Variants in PTCHD4 observed in about 807,000 individuals in gnomAD.
PTCHD4 encodes the protein patched domain containing 4, also known as patched domain-containing protein 4.
A neutral mutation model predicts 58.1 loss-of-function variants in PTCHD4; 33 were observed. The observed-to-expected ratio is 0.57, with a 90% CI of 0.43 to 0.76. The LOEUF (loss-of-function observed/expected upper bound fraction) is 0.76, where lower values mean the gene tolerates loss of function less well. Among genes scored for constraint, PTCHD4 ranks in the 30% least tolerant of loss-of-function variants. The pLI is 0.00. For synonymous variants in PTCHD4, 478 were observed against 409.6 expected (o/e 1.17, Z -2.02); for missense variants, 1,058 against 1,027.1 (o/e 1.03, Z -0.41).
chr6:47,982,504 T>C (rs1767917185), intron 4 of PTCHD4, among the ~76,000 whole-genome samples: 1 of 151,302 alleles, frequency 6.6e-6, no homozygotes, highest in Non-Finnish European at 1.5e-5. Context: ...TTTTTTGTTT[T>C]TTGAGATGGA....
rs1356855213 is a variant in PTCHD4 at position 47,949,686 on chromosome 6, C to A, written c.898+58948G>T. The stretch of plus-strand genomic sequence containing the variant: ...TTTCCCCCCAGATTTCCAACTCCTC[C>A]TTTCTTTGATCCTTCAGAACAAACA... On this transcript the variant is annotated intron_variant, in intron 4 of 4. Transcript: ENST00000339488. Among the ~76,000 whole-genome samples, 3 of 152,164 alleles carry A rather than the reference C, an allele frequency of 2.0e-5. No individual in the cohort carries two copies. The East Asian group carries it at 5.8e-4, about 29-fold the overall frequency.
intron 4 of PTCHD4, among the ~76,000 whole-genome samples, chr6:47,918,094 C>A (rs1221603544): frequency 6.6e-6 from 1 of 152,034 alleles, no homozygotes. Flanking sequence ...ATCTTTTCCA[C>A]ACAAAATCCT....
intron 3 of PTCHD4, among the ~76,000 whole-genome samples, chr6:48,062,913 C>T (rs1045586257): frequency 2.0e-5 from 3 of 152,114 alleles, no homozygotes; most frequent in East Asian, 3.9e-4. Flanking sequence ...TATCATTTTA[C>T]AGAGAAAGAA....
At chr6:48,109,575 G>T (rs111965896) in intron 1 of PTCHD4, among the ~76,000 whole-genome samples, 392 of 152,056 alleles carry the variant, frequency 2.6e-3, no homozygotes, top group African/African-American at 9.0e-3. Flanking sequence ...AAACTAAAAA[G>T]CTCCTTCAGA....
chr6:47,891,542 C>T (rs1009568074), intron 4 of PTCHD4, among the ~76,000 whole-genome samples: 1 of 152,184 alleles, frequency 6.6e-6, no homozygotes, highest in African/African-American at 2.4e-5. Context: ...TTACCAATCA[C>T]GGCTTACCCT....
At chr6:48,102,187 T>C (rs1280394669) in intron 1 of PTCHD4, among the ~76,000 whole-genome samples, 1 of 152,190 alleles carries the variant, frequency 6.6e-6, no homozygotes, top group East Asian at 1.9e-4. Context: ...CTCTTCTTCC[T>C]TGTAGGAGAG....
intron 1 of PTCHD4, among the ~76,000 whole-genome samples, chr6:48,083,838 T>C (rs1031313148): frequency 6.6e-6 from 1 of 152,184 alleles, no homozygotes; most frequent in African/African-American, 2.4e-5. Context: ...AAAATCTGAA[T>C]GAATTTAGAA....
At chr6:48,100,316 CAGTAG>C (rs1477703563) in intron 1 of PTCHD4, among the ~76,000 whole-genome samples, 1 of 152,070 alleles carries the variant, frequency 6.6e-6, no homozygotes, top group African/African-American at 2.4e-5. Context: ...AATGTCTAAA[CAGTAG>C]AGTAAACAAG....
chr6:48,087,619 A>G (rs990633125), intron 1 of PTCHD4, among the ~76,000 whole-genome samples: 4 of 152,228 alleles, frequency 2.6e-5, no homozygotes, highest in Non-Finnish European at 4.4e-5. Flanking sequence ...TGAAGCTCTA[A>G]GAGGATAAAT....
chr6:47,907,665 C>T (rs1764937660), intron 4 of PTCHD4, among the ~76,000 whole-genome samples: 1 of 152,146 alleles, frequency 6.6e-6, no homozygotes, highest in Non-Finnish European at 1.5e-5. Flanking sequence ...AATAGCTGGT[C>T]CAGCAGGATA....
At chr6:48,047,215 G>A (rs1764067545) in intron 3 of PTCHD4, among the ~76,000 whole-genome samples, 1 of 151,366 alleles carries the variant, frequency 6.6e-6, no homozygotes, top group African/African-American at 2.4e-5. Flanking sequence ...GAATATAGCT[G>A]TTACAAACCA....
intron 4 of PTCHD4, among the ~76,000 whole-genome samples, chr6:47,966,412 G>C (rs1767298540): frequency 6.6e-6 from 1 of 152,188 alleles, no homozygotes; most frequent in Non-Finnish European, 1.5e-5. Context: ...TAATCTCTTT[G>C]CTGGTGAAGG....
At chr6:48,052,176 C>T (rs989131777) in intron 3 of PTCHD4, among the ~76,000 whole-genome samples, 1 of 151,972 alleles carries the variant, frequency 6.6e-6, no homozygotes, top group South Asian at 2.1e-4. Flanking sequence ...ACATCATATG[C>T]ACTTAGGAGG....
intron 4 of PTCHD4, among the ~76,000 whole-genome samples, chr6:47,896,643 G>A (rs1343994539): frequency 6.6e-6 from 1 of 152,126 alleles, no homozygotes; most frequent in Non-Finnish European, 1.5e-5. Flanking sequence ...GGGTGAATGA[G>A]TTTTTCATAT....
At chr6:48,103,889 G>C (rs560751646) in intron 1 of PTCHD4, among the ~76,000 whole-genome samples, 1 of 152,268 alleles carries the variant, frequency 6.6e-6, no homozygotes, top group African/African-American at 2.4e-5. Context: ...AGTGTGAAGA[G>C]AAGTTTAGAG....
chr6:47,879,430 G>A lies in PTCHD4; in HGVS notation c.1405C>T (p.Leu469Phe). 1.2e-6 allele frequency: 2 copies of A among 1,613,632 alleles called. No individual in the cohort carries two copies. Residue 469 changes from leucine (L) to phenylalanine (F), a missense_variant, in exon 5 of 5, where the codon CTC becomes TTC. Coordinates refer to ENST00000339488, the MANE Select transcript of PTCHD4 (RefSeq NM_001384253.1). Reference protein sequence around the residue: ...YVKPFVVILYLIYASFSFMGC... With the variant: ...YVKPFVVILYFIYASFSFMGC... ...ATGAAGGAGAAGGAGGCATAAATGA[G>A]ATAGAGGATGACAACAAATGGCTTC...
chr6:47,914,520 G>A (rs1025015432), intron 4 of PTCHD4, among the ~76,000 whole-genome samples: 1 of 151,902 alleles, frequency 6.6e-6, no homozygotes, highest in Non-Finnish European at 1.5e-5. Context: ...TTACACCATT[G>A]TCTCTCCTAG....
rs1764905533 is a variant in PTCHD4, at chr6:48,068,887, G to A, written c.5+66C>T. Among the ~76,000 whole-genome samples the A allele has an allele frequency of 6.6e-6, 1 of 151,492 alleles. No individual in the cohort carries two copies. The highest frequency in any genetic ancestry group is 2.1e-4 in the South Asian group (1 of 4,798). ...CAGCGCGCGTGGGGGCGGGCGGCGG[G>A]CGCCGCGGGGCCCACCCCCTCCCCG... is the stretch of plus-strand genomic sequence containing the variant. On this transcript the variant is annotated intron_variant, in intron 2 of 4. Coordinates refer to ENST00000339488, the MANE Select transcript of PTCHD4 (RefSeq NM_001384253.1). This position sits in a 1 kb window ranked among gnomAD's most constrained non-coding sequence, Gnocchi z 4.2.
chr6:47,952,836 C>T (rs1185287247), intron 4 of PTCHD4, among the ~76,000 whole-genome samples: 1 of 151,976 alleles, frequency 6.6e-6, no homozygotes, highest in Non-Finnish European at 1.5e-5. Flanking sequence ...TGATGCATTT[C>T]TCAGAACATT....
Sources: gnomAD v4.1 joint callset for allele counts (sites outside exome capture counted in the v4.1 genomes callset) on GRCh38, gnomAD v4.1.1 for gene constraint, Gnocchi (gnomAD v3.1) non-coding constraint, MANE v1.5 for transcripts, NCBI Gene and HGNC (gene_info 2026-07-23, HGNC 2026-07-21) for gene names.